The following PLEKHM2 variants were observed in gnomAD, a reference collection of about 807,000 sequenced individuals.
PLEKHM2 encodes pleckstrin homology domain-containing family M member 2.
Under a neutral mutation model 116.3 loss-of-function variants are expected in PLEKHM2, and 77 were observed. That is an observed-to-expected ratio of 0.66 (90% CI 0.55 to 0.80). The LOEUF is 0.80. Among genes scored for constraint, PLEKHM2 ranks in the 30% least tolerant of loss-of-function variants. The pLI is 0.00. For synonymous variants in PLEKHM2, 562 were observed against 571.0 expected (o/e 0.98, Z 0.22); for missense variants, 1,183 against 1,354.9 (o/e 0.87, Z 1.99).
Position 15,721,403 on chromosome 1 carries a change from G to T in PLEKHM2, c.712+15G>T. The T allele has an allele frequency of 1.3e-6, 2 of 1,525,320 alleles. No homozygotes were observed. Among genetic ancestry groups the T allele is most frequent in the Non-Finnish European group, 1.8e-6 (2 of 1,118,722 alleles). 94.5% of individuals were successfully genotyped at this position (1,525,320 alleles called of 1,614,324 possible). On this transcript the variant is annotated intron_variant, in intron 7 of 19. Coordinates refer to ENST00000375799, the MANE Select transcript of PLEKHM2 (RefSeq NM_015164.4). This position sits in a 1 kb window ranked among gnomAD's most constrained non-coding sequence, Gnocchi z 5.1. ...AGACTGGGAAGGTGGGCCAGAGTCC[G>T]CTGTTACCCTCTTTTCCTGTTTTGC...
chr1:15,732,206 C>T (rs2068154372), intron 17 of PLEKHM2, 144 bp from the exon 18 acceptor site: 1 of 921,868 alleles, frequency 1.1e-6, no homozygotes, highest in African/African-American at 1.7e-5. Flanking sequence ...GAGGCATCAC[C>T]CCCATCCCCG....
chr1:15,733,872 A>T lies in PLEKHM2; in HGVS notation c.2998A>T (p.Ser1000Cys). The change falls in exon 20 of 20, where the codon AGC becomes TGC. Residue 1000 changes from serine to cysteine, a missense_variant. Physicochemically the swap from Ser to Cys is moderately radical, Grantham distance 112. This residue lies in a region of PLEKHM2 where 594 missense variants were observed against 720.1 expected (regional missense o/e 0.82). Transcript: ENST00000375799. ...CGAGGATGCCTTGAGCCTCATCCAC[A>T]GCGCCTGGCAGCGGAGCGACAGTCT... ...KFEDALSLIH[S>C]AWQRSDSLCR... The T allele has an allele frequency of 6.2e-7, 1 of 1,612,956 alleles. No homozygotes were observed. The highest frequency in any genetic ancestry group is 8.5e-7 in the Non-Finnish European group (1 of 1,179,838).
At chr1:15,730,288 A>G (rs2068122028) in intron 14 of PLEKHM2, among the ~76,000 whole-genome samples, 1 of 152,186 alleles carries the variant, frequency 6.6e-6, no homozygotes, top group South Asian at 2.1e-4. Context: ...TAAAAATACA[A>G]AAATTCAGCC....
intron 1 of PLEKHM2, among the ~76,000 whole-genome samples, chr1:15,705,107 C>G (rs1039954077): frequency 2.0e-5 from 3 of 151,994 alleles, no homozygotes; most frequent in African/African-American, 4.8e-5. Flanking sequence ...GGCGGCACCC[C>G]CCCTGCCCCT....
At chr1:15,690,256 G>A (rs1283399854) in intron 1 of PLEKHM2, among the ~76,000 whole-genome samples, 1 of 151,970 alleles carries the variant, frequency 6.6e-6, no homozygotes, top group Non-Finnish European at 1.5e-5. Context: ...AGTAGAGACA[G>A]GGTTTCACCA....
chr1:15,708,256 C>T (rs1641264454), intron 1 of PLEKHM2, among the ~76,000 whole-genome samples: 1 of 151,044 alleles, frequency 6.6e-6, no homozygotes, highest in Admixed American at 6.6e-5. Flanking sequence ...CTCGCTCTGT[C>T]GCCAGGCTGG....
At position 15,732,491 on chromosome 1, in the gene PLEKHM2, G is replaced by T. The variant is rs377738612; in HGVS notation, c.2767G>T (p.Ala923Ser). 2.5e-6 allele frequency: 4 copies of T among 1,607,974 alleles called. No individual in the cohort carries two copies. Among genetic ancestry groups the T allele is most frequent in the Non-Finnish European group, 3.4e-6 (4 of 1,177,566 alleles). Residue 923 changes from alanine to serine, a missense_variant, in exon 18 of 20, where the codon GCC becomes TCC. Around this residue, in one of 3 missense-constraint regions of PLEKHM2, gnomAD observed 594 missense variants for 720.1 expected, o/e 0.82. Transcript: ENST00000375799. ...LGTAKLGDIS[A>S]VSTEPGKEYC... is the part of the protein sequence containing the mutation. The stretch of plus-strand genomic sequence containing the variant: ...CACAGCCAAGCTGGGCGACATCAGC[G>T]CCGTCTCCACCGAGCCGGGCAAGGA...
intron 7 of PLEKHM2, chr1:15,722,581 C>T (rs1338970122): frequency 2.0e-5 from 3 of 152,150 alleles, no homozygotes; most frequent in East Asian, 1.9e-4. Flanking sequence ...TGGCTCTCCC[C>T]GCATTATTAG....
intron 3 of PLEKHM2, among the ~76,000 whole-genome samples, chr1:15,717,552 T>C (rs1641470744): frequency 6.6e-6 from 1 of 152,222 alleles, no homozygotes; most frequent in South Asian, 2.1e-4. Context: ...AGAGCTGGAC[T>C]CTTATGGAAT....
rs371186259 is a variant in PLEKHM2 at position 15,729,182 on chromosome 1, G to A, written c.2067G>A (p.Ala689=). 1.0e-4 allele frequency: 164 copies of A among 1,609,138 alleles called. No homozygotes were observed. Among genetic ancestry groups the A allele is most frequent in the Admixed American group, 5.4e-4 (32 of 59,450 alleles). The stretch of plus-strand genomic sequence containing the variant: ...TTCTGCTGGACACGGCTGATGTGGC[G>A]CTGGCTGAGTGAGTGGCAACCCCGC... The part of the protein sequence containing the change: ...KQFLLDTADV[A]LAEFFLASLK... Residue 689 remains alanine, a synonymous_variant, in exon 13 of 20, where the codon GCG becomes GCA. Coordinates refer to ENST00000375799, the MANE Select transcript of PLEKHM2 (RefSeq NM_015164.4). This position sits in a 1 kb window ranked among gnomAD's most constrained non-coding sequence, Gnocchi z 4.7.
intron 7 of PLEKHM2, among the ~76,000 whole-genome samples, chr1:15,724,375 C>T (rs528256957): frequency 2.1e-4 from 32 of 151,980 alleles, no homozygotes; most frequent in Admixed American, 3.3e-4. Flanking sequence ...CCTAGCTACT[C>T]GGGAGGCTAA....
intron 1 of PLEKHM2, 28 bp downstream of exon 1, chr1:15,684,646 GC>G: frequency 1.6e-6 from 2 of 1,228,342 alleles, no homozygotes; most frequent in Non-Finnish European, 2.1e-6. Flanking sequence ...CCCGGCCGGG[GC>G]CCCTTCCTCG....
intron 7 of PLEKHM2, among the ~76,000 whole-genome samples, chr1:15,723,744 C>CAAA (rs1056474462): frequency 5.2e-5 from 4 of 76,402 alleles, no homozygotes; most frequent in Non-Finnish European, 7.9e-5. Flanking sequence ...GACCCTGTCT[C>CAAA]AAAAAAAAAA....
intron 1 of PLEKHM2, among the ~76,000 whole-genome samples, 186 bp from the exon 2 acceptor site, chr1:15,716,051 T>C (rs971594984): frequency 6.6e-6 from 1 of 152,220 alleles, no homozygotes; most frequent in South Asian, 2.1e-4. Flanking sequence ...GATACAGCTG[T>C]TGCCTGCTGG....
chr1:15,698,861 A>G (rs1043416487), intron 1 of PLEKHM2, among the ~76,000 whole-genome samples: 3 of 152,084 alleles, frequency 2.0e-5, no homozygotes, highest in African/African-American at 4.8e-5. Context: ...CATTTTTCAT[A>G]TAGAGCAACT....
At chr1:15,706,668 A>C (rs921837177) in intron 1 of PLEKHM2, among the ~76,000 whole-genome samples, 1 of 152,068 alleles carries the variant, frequency 6.6e-6, no homozygotes, top group African/African-American at 2.4e-5. Context: ...CAGCCTCCCA[A>C]AGTGCTGGCA....
intron 1 of PLEKHM2, among the ~76,000 whole-genome samples, chr1:15,699,850 T>G (rs538979131): frequency 6.6e-6 from 1 of 151,538 alleles, no homozygotes; most frequent in Non-Finnish European, 1.5e-5. Context: ...CATGGTGGTG[T>G]GCGCCTATAG....
At position 15,732,598 on chromosome 1, in the gene PLEKHM2, C is replaced by G. The variant is rs1236027422; in HGVS notation, c.2806-14C>G. On this transcript the variant is annotated splice_polypyrimidine_tract_variant and intron_variant, in intron 18 of 19. Coordinates refer to ENST00000375799, the MANE Select transcript of PLEKHM2 (RefSeq NM_015164.4). Reference sequence around the variant, plus strand: ...AAGCTCTGGCTGCTCACCCGGGGGCCTGGCTCTCCCTAGGAGTTCTCCCAG... The same window carrying G: ...AAGCTCTGGCTGCTCACCCGGGGGCGTGGCTCTCCCTAGGAGTTCTCCCAG... 1 of 1,597,592 alleles carries G rather than the reference C, an allele frequency of 6.3e-7. No homozygotes were observed. The highest frequency in any genetic ancestry group is 1.1e-5 in the South Asian group (1 of 88,892).
intron 1 of PLEKHM2, among the ~76,000 whole-genome samples, chr1:15,704,001 G>C (rs1641171064): frequency 6.6e-6 from 1 of 152,168 alleles, no homozygotes; most frequent in African/African-American, 2.4e-5. Flanking sequence ...AGAGTCCGTG[G>C]ACCTTAGGGA....
Sources: allele counts gnomAD v4.1 joint callset (sites outside exome capture counted in the v4.1 genomes callset), GRCh38; gene constraint gnomAD v4.1.1; regional missense constraint gnomAD v4.1.1; non-coding constraint Gnocchi (gnomAD v3.1); transcripts MANE v1.5; gene names NCBI Gene and HGNC (gene_info 2026-07-23, HGNC 2026-07-21).